Variants in PIK3R2 observed in about 807,000 individuals in gnomAD.
PIK3R2 encodes phosphoinositide-3-kinase regulatory subunit 2, also known as phosphatidylinositol 3-kinase regulatory subunit beta.
Under a neutral mutation model 78.5 loss-of-function variants are expected in PIK3R2, and 40 were observed. That is an observed-to-expected ratio of 0.51 (90% confidence interval 0.40 to 0.66). The LOEUF (loss-of-function observed/expected upper bound fraction) is 0.66. PIK3R2 is among the 30% of genes least tolerant of loss of function. The pLI is 0.00. For missense variants in PIK3R2, 880 were observed against 1,026.6 expected (o/e 0.86, Z 1.95); for synonymous variants, 473 against 457.7 (o/e 1.03, Z -0.43).
chr19:18,162,718 T>C (rs2043762889), intron 9 of PIK3R2: 1 of 599,588 alleles, frequency 1.7e-6, no homozygotes, highest in Non-Finnish European at 2.9e-6. Flanking sequence ...ACCCCGTCTC[T>C]ACTAAAAAAT....
chr19:18,168,299 G>C lies in PIK3R2; in HGVS notation c.1737-176G>C, dbSNP rs563999705. On this transcript the variant is annotated intron_variant, in intron 13 of 15. Coordinates refer to ENST00000222254, the MANE Select transcript of PIK3R2 (RefSeq NM_005027.4). This position sits in a 1 kb window ranked among gnomAD's most constrained non-coding sequence, Gnocchi z 4.1. ...AGGGTTCCCCAGCAGAGCTGGGCGA[G>C]CCACCCTGGGTTCAGGCTGCCCTGA... Among the ~76,000 whole-genome samples, 299 of 152,300 alleles carry C rather than the reference G, an allele frequency of 2.0e-3. 1 individual carries two copies. The highest frequency in any genetic ancestry group is 3.4e-3 in the Middle Eastern group (1 of 294).
intron 2 of PIK3R2, among the ~76,000 whole-genome samples, chr19:18,159,508 C>T (rs2043718511): frequency 6.6e-6 from 1 of 151,998 alleles, no homozygotes; most frequent in Non-Finnish European, 1.5e-5. Flanking sequence ...ATGGCATGAT[C>T]TCAGCTCACT....
intron 11 of PIK3R2, among the ~76,000 whole-genome samples, chr19:18,165,841 G>C (rs1464515180): frequency 6.6e-6 from 1 of 152,180 alleles, no homozygotes; most frequent in Non-Finnish European, 1.5e-5. Flanking sequence ...GACAAAGTAA[G>C]GAAAGTCGTA....
At chr19:18,166,136 G>A in intron 11 of PIK3R2, 24 bp from the exon 12 acceptor site, 1 of 1,613,602 alleles carries the variant, frequency 6.2e-7, no homozygotes, top group East Asian at 2.2e-5. Context: ...CCCAGGAGGT[G>A]CTGAGCTGCG....
rs756494204 is a variant in PIK3R2, at chr19:18,168,892, G to A, written c.1975G>A (p.Val659Met). ...SSQRGCYACS[V>M]VVDGDTKHCV... Reference sequence around the variant, plus strand: ...CCAGCGGGGCTGCTACGCCTGCTCCGTGGTGTGAGTGGACCGCAGCGGTGG... The same window carrying A: ...CCAGCGGGGCTGCTACGCCTGCTCCATGGTGTGAGTGGACCGCAGCGGTGG... The change falls in exon 15 of 16, where the codon GTG becomes ATG. Residue 659 changes from valine (V) to methionine (M), a missense_variant. By Grantham distance (21) the Val-to-Met change is conservative (BLOSUM62 1). Coordinates refer to ENST00000222254, the MANE Select transcript of PIK3R2 (RefSeq NM_005027.4). The surrounding 1 kb of genome is among the most constrained non-coding windows in gnomAD (Gnocchi z 4.1). 4.3e-6 allele frequency: 7 copies of A among 1,611,936 alleles called. No homozygotes were observed. Among genetic ancestry groups the A allele is most frequent in the South Asian group, 2.2e-5 (2 of 90,770 alleles).
rs978874906 is a variant in PIK3R2 at position 18,155,769 on chromosome 19, C to T, written c.-111C>T. 2.1e-6 allele frequency: 2 copies of T among 964,054 alleles called. No individual in the cohort carries two copies. The highest frequency in any genetic ancestry group is 1.5e-6 in the Non-Finnish European group (1 of 672,236). The allele number at this position is 964,054 out of a possible 1,614,324, so 59.7% of individuals were successfully genotyped here. ...CTGTGACTGCTGGAGATAGAGGTCC[C>T]AGCACCCCAAGCCAACCCAGCGGAC... On this transcript the variant is annotated 5_prime_UTR_variant, in exon 2 of 16. Coordinates refer to ENST00000222254, the MANE Select transcript of PIK3R2 (RefSeq NM_005027.4).
At position 18,161,472 on chromosome 19, in the gene PIK3R2, G is replaced by T; in HGVS notation, c.792G>T (p.Pro264=). Residue 264 remains proline (P), a synonymous_variant, in exon 6 of 16, where the codon CCG becomes CCT. Coordinates refer to ENST00000222254, the MANE Select transcript of PIK3R2 (RefSeq NM_005027.4). This position sits in a 1 kb window ranked among gnomAD's most constrained non-coding sequence, Gnocchi z 5.3. ...GCGCGCCGCCGCCGCCGTCCTCGCC[G>T]CCGCCAGGGGGCGCTCCCGACGGGT... ...LLRAPPPPSS[P]PPGGAPDGSE... 1.7e-6 allele frequency: 2 copies of T among 1,180,538 alleles called. No individual in the cohort carries two copies. Among genetic ancestry groups the T allele is most frequent in the Non-Finnish European group, 2.1e-6 (2 of 952,178 alleles). The allele number at this position is 1,180,538 out of a possible 1,614,324, so 73.1% of individuals were successfully genotyped here.
Position 18,168,701 on chromosome 19 carries a change from T to TCCCC in PIK3R2, c.1809-24_1809-21dup. 3.2e-6 allele frequency: 5 copies of TCCCC among 1,563,902 alleles called. No individual in the cohort carries two copies. The highest frequency in any genetic ancestry group is 3.5e-6 in the Non-Finnish European group (4 of 1,137,488). On this transcript the variant is annotated intron_variant, in intron 14 of 15. Transcript: ENST00000222254. The surrounding 1 kb of genome is among the most constrained non-coding windows in gnomAD (Gnocchi z 4.1). ...GCTGGCAGGTGAGTGACCAGGGCCC[T>TCCCC]CCCCGCCACCGCCCCCCACCCCAGC...
In PIK3R2 at chr19:18,156,216, G is replaced by A. The variant is rs2043678729; in HGVS notation, c.322+15G>A. On this transcript the variant is annotated intron_variant, in intron 2 of 15. Transcript: ENST00000222254. The surrounding 1 kb of genome is among the most constrained non-coding windows in gnomAD (Gnocchi z 4.2). ...CCCTGAGCCAGGTGAGCAGCAAGCAGGGGCCCTGGAAAGGGGGGTGGTCCC... is the reference window on the plus strand; with the variant it reads ...CCCTGAGCCAGGTGAGCAGCAAGCAAGGGCCCTGGAAAGGGGGGTGGTCCC... 2.0e-6 allele frequency: 3 copies of A among 1,465,762 alleles called. No individual in the cohort carries two copies. Among genetic ancestry groups the A allele is most frequent in the African/African-American group, 1.5e-5 (1 of 67,344 alleles). The allele number at this position is 1,465,762 out of a possible 1,614,324, so 90.8% of individuals were successfully genotyped here. A position where few individuals can be genotyped will look rare whatever the true frequency, so the allele number is the denominator to read the frequency against.
intron 11 of PIK3R2, 74 bp from the exon 12 acceptor site, chr19:18,166,086 G>T: frequency 6.3e-7 from 1 of 1,592,436 alleles, no homozygotes; most frequent in South Asian, 1.1e-5. Flanking sequence ...TATCAGAGTT[G>T]AGATGTGCCT....
Position 18,166,150 on chromosome 19 carries a change from C to T in PIK3R2, c.1417-10C>T. 1.2e-6 allele frequency: 2 copies of T among 1,613,834 alleles called. No individual in the cohort carries two copies. The highest frequency in any genetic ancestry group is 2.2e-5 in the South Asian group (2 of 91,060). On this transcript the variant is annotated splice_polypyrimidine_tract_variant and intron_variant, in intron 11 of 15. Transcript: ENST00000222254. ...TCCCAGGAGGTGCTGAGCTGCGCCCCCTCCTCCAGGAGCTGCAGATGAAGC... is the reference window on the plus strand; with the variant it reads ...TCCCAGGAGGTGCTGAGCTGCGCCCTCTCCTCCAGGAGCTGCAGATGAAGC...
chr19:18,154,449 A>G (rs1171351187), intron 1 of PIK3R2, among the ~76,000 whole-genome samples: 1 of 151,662 alleles, frequency 6.6e-6, no homozygotes, highest in Non-Finnish European at 1.5e-5. Context: ...CTGCCAGCCC[A>G]CTCACTCCTC....
Position 18,167,238 on chromosome 19 carries a change from C to G in PIK3R2, c.1668C>G (p.Ile556Met), listed in dbSNP as rs756916682. The G allele has an allele frequency of 1.2e-5, 20 of 1,612,764 alleles. No homozygotes were observed. The highest frequency in any genetic ancestry group is 7.6e-6 in the Non-Finnish European group (9 of 1,179,560). The stretch of plus-strand genomic sequence containing the variant: ...CCCAGGCCTCGGACAACAGAGAGAT[C>G]GACAAGCGCATGAACAGCCTCAAGC... Reference protein sequence around the residue: ...LRAQASDNREIDKRMNSLKPD... With the variant: ...LRAQASDNREMDKRMNSLKPD... Residue 556 changes from isoleucine to methionine, a missense_variant, in exon 13 of 16, where the codon ATC becomes ATG. Physicochemically the swap from Ile to Met is conservative, Grantham distance 10. Coordinates refer to ENST00000222254, the MANE Select transcript of PIK3R2 (RefSeq NM_005027.4). This position sits in a 1 kb window ranked among gnomAD's most constrained non-coding sequence, Gnocchi z 4.5.
At position 18,160,937 on chromosome 19, in the gene PIK3R2, A is replaced by T; in HGVS notation, c.434A>T (p.His145Leu). Residue 145 changes from histidine (H) to leucine (L), a missense_variant, in exon 4 of 16, where the codon CAC (histidine) becomes CTC (leucine). Transcript: ENST00000222254. Reference sequence around the variant, plus strand: ...CCCCCAGGGCTGGACAGCGAATCTCACTACCGCCCGGAGCTGCCCGCACCG... The same window carrying T: ...CCCCCAGGGCTGGACAGCGAATCTCTCTACCGCCCGGAGCTGCCCGCACCG... ...IERTGLDSES[H>L]YRPELPAPRT... 6.2e-7 allele frequency: 1 copy of T among 1,611,326 alleles called. No individual in the cohort carries two copies. The highest frequency in any genetic ancestry group is 8.5e-7 in the Non-Finnish European group (1 of 1,179,230).
Position 18,169,403 on chromosome 19 carries a change from T to A in PIK3R2, c.*109T>A. ...AGCCACATCCAGGGGTCCTCATTTCTCCGGCTCTGGCTCTTGTTTGGGGTT... is the reference window on the plus strand; with the variant it reads ...AGCCACATCCAGGGGTCCTCATTTCACCGGCTCTGGCTCTTGTTTGGGGTT... On this transcript the variant is annotated 3_prime_UTR_variant, in exon 16 of 16. Coordinates refer to ENST00000222254, the MANE Select transcript of PIK3R2 (RefSeq NM_005027.4). 2.1e-6 allele frequency: 1 copy of A among 481,726 alleles called. No homozygotes were observed. Among genetic ancestry groups the A allele is most frequent in the Non-Finnish European group, 3.3e-6 (1 of 307,610 alleles). 29.8% of individuals were successfully genotyped at this position (481,726 alleles called of 1,614,324 possible).
At chr19:18,162,838 C>T (rs1302049301) in intron 9 of PIK3R2, 129 bp from the exon 10 acceptor site, 10 of 811,106 alleles carry the variant, frequency 1.2e-5, no homozygotes, top group South Asian at 1.8e-5. Context: ...TGCAGTGAGC[C>T]GAAATCGCAC....
intron 2 of PIK3R2, among the ~76,000 whole-genome samples, chr19:18,157,392 C>T (rs902551981): frequency 1.3e-5 from 2 of 152,212 alleles, no homozygotes; most frequent in African/African-American, 4.8e-5. Context: ...CTGCCCAGCC[C>T]CACCCTCTGA....
chr19:18,155,116 T>G (rs1335629490), intron 1 of PIK3R2, among the ~76,000 whole-genome samples: 1 of 150,832 alleles, frequency 6.6e-6, no homozygotes, highest in Non-Finnish European at 1.5e-5. Context: ...GGAGAATTGC[T>G]TGAACCTGGG....
intron 1 of PIK3R2, 121 bp from the exon 2 acceptor site, chr19:18,155,336 G>T: frequency 3.0e-6 from 1 of 329,370 alleles, no homozygotes; most frequent in African/African-American, 2.1e-5. Context: ...GGCCCTGAGA[G>T]GGACCGGCCC....
Sources: allele counts gnomAD v4.1 joint callset (sites outside exome capture counted in the v4.1 genomes callset), GRCh38; gene constraint gnomAD v4.1.1; non-coding constraint Gnocchi (gnomAD v3.1); transcripts MANE v1.5; gene names NCBI Gene and HGNC (gene_info 2026-07-23, HGNC 2026-07-21).